Variants in RFX8 observed in about 807,000 individuals in gnomAD.
The protein encoded by RFX8 is regulatory factor X8, also known as DNA-binding protein RFX8.
A neutral mutation model predicts 54.6 loss-of-function variants in RFX8; 46 were observed. The observed-to-expected ratio is 0.84, with a 90% CI of 0.67 to 1.08. RFX8 has a LOEUF of 1.08. Among genes scored for constraint, RFX8 ranks in the 50% least tolerant of loss-of-function variants. RFX8 has a pLI of 0.00. For synonymous variants in RFX8, 192 were observed against 209.5 expected (o/e 0.92, Z 0.72); for missense variants, 536 against 562.3 (o/e 0.95, Z 0.47).
intron 9 of RFX8, among the ~76,000 whole-genome samples, chr2:101,408,151 A>G (rs926672028): frequency 2.6e-5 from 4 of 152,210 alleles, no homozygotes; most frequent in Non-Finnish European, 4.4e-5. Flanking sequence ...ATGTAGGACG[A>G]CAGGGTTGGT....
intron 2 of RFX8, among the ~76,000 whole-genome samples, chr2:101,461,277 A>AG (rs1689262922): frequency 6.7e-6 from 1 of 149,430 alleles, no homozygotes; most frequent in African/African-American, 2.5e-5. Flanking sequence ...AAAAAAAAAA[A>AG]AAAAAGAAAG....
At chr2:101,419,721 G>C (rs992608757) in intron 4 of RFX8, among the ~76,000 whole-genome samples, 1 of 152,220 alleles carries the variant, frequency 6.6e-6, no homozygotes, top group African/African-American at 2.4e-5. Context: ...CCCATGCCTA[G>C]GTCATCATGG....
At chr2:101,457,194 GTCTCTA>G (rs1349531743) in intron 2 of RFX8, among the ~76,000 whole-genome samples, 1 of 152,004 alleles carries the variant, frequency 6.6e-6, no homozygotes, top group Non-Finnish European at 1.5e-5. Flanking sequence ...GGTTTTTTGT[GTCTCTA>G]TCTCCTTCAG....
At chr2:101,421,312 TACCCA>T in intron 4 of RFX8, 1 of 988,810 alleles carries the variant, frequency 1.0e-6, no homozygotes, top group Non-Finnish European at 1.2e-6. Flanking sequence ...ATCGTGACAA[TACCCA>T]TGCCAGATCA....
chr2:101,467,042 G>T (rs901347344), intron 1 of RFX8, 142 bp from the exon 2 acceptor site: 6 of 619,746 alleles, frequency 9.7e-6, no homozygotes, highest in African/African-American at 5.5e-5. Context: ...CCCTGCGAAG[G>T]CTCACAACTG....
At chr2:101,418,802 T>C in intron 5 of RFX8, 49 bp downstream of exon 5, 2 of 1,206,948 alleles carry the variant, frequency 1.7e-6, no homozygotes, top group Non-Finnish European at 2.4e-6. Flanking sequence ...CAGCATTTGC[T>C]GCCAATTTCT....
At chr2:101,472,692 A>G (rs1055043080) in intron 1 of RFX8, among the ~76,000 whole-genome samples, 1 of 152,186 alleles carries the variant, frequency 6.6e-6, no homozygotes, top group Non-Finnish European at 1.5e-5. Context: ...GATGAGCCAA[A>G]ACAAACAAAA....
rs114764313 is a variant in RFX8 at position 101,408,962 on chromosome 2, C to T, written c.813+1657G>A. On this transcript the variant is annotated intron_variant, in intron 9 of 11. Coordinates refer to ENST00000428343, the MANE Select transcript of RFX8 (RefSeq NM_001145664.2). ...AGCTTAAAGAGAAAGCCCAGAGCCACGCTTCCAGCCCCAGGCCCTCGGAGT... is the reference window on the plus strand; with the variant it reads ...AGCTTAAAGAGAAAGCCCAGAGCCATGCTTCCAGCCCCAGGCCCTCGGAGT... Among the ~76,000 whole-genome samples the T allele has an allele frequency of 3.0e-3, 464 of 152,334 alleles. 5 individuals carry two copies. The highest frequency in any genetic ancestry group is 0.011 in the African/African-American group (440 of 41,574).
chr2:101,404,747 T>C (rs536613389), intron 10 of RFX8, among the ~76,000 whole-genome samples: 1 of 152,130 alleles, frequency 6.6e-6, no homozygotes, highest in East Asian at 1.9e-4. Context: ...TTTCTTCCCA[T>C]GATGCATGTG....
At chr2:101,417,493 A>T (rs1346325110) in intron 6 of RFX8, 41 bp downstream of exon 6, 1 of 1,523,600 alleles carries the variant, frequency 6.6e-7, no homozygotes. Context: ...GGCATGAGCC[A>T]CTGTGCCAGC....
At chr2:101,468,638 G>GATGACTT in intron 1 of RFX8, among the ~76,000 whole-genome samples, 1 of 151,884 alleles carries the variant, frequency 6.6e-6, no homozygotes, top group Admixed American at 6.6e-5. Context: ...TGGATTTAGA[G>GATGACTT]CCCATCCTAA....
At chr2:101,421,326 C>T in intron 4 of RFX8, 1 of 990,696 alleles carries the variant, frequency 1.0e-6, no homozygotes, top group Non-Finnish European at 1.2e-6. Context: ...CATGCCAGAT[C>T]ACTCAGCTGC....
At chr2:101,418,743 C>T in intron 5 of RFX8, 108 bp downstream of exon 5, 1 of 727,202 alleles carries the variant, frequency 1.4e-6, no homozygotes, top group Non-Finnish European at 2.5e-6. Context: ...CTATTCACTC[C>T]TCAGAGGACC....
intron 10 of RFX8, among the ~76,000 whole-genome samples, chr2:101,403,657 C>T (rs1204751116): frequency 1.3e-5 from 2 of 151,984 alleles, no homozygotes; most frequent in South Asian, 2.1e-4. Context: ...CAGGGTGGCA[C>T]GTGCCTGTAG....
At chr2:101,432,432 G>A (rs1481622596) in intron 2 of RFX8, among the ~76,000 whole-genome samples, 9 of 152,148 alleles carry the variant, frequency 5.9e-5, no homozygotes, top group African/African-American at 1.9e-4. Context: ...CCGGGCTTTC[G>A]TCTGGCAGGC....
chr2:101,470,424 G>C (rs946010434), intron 1 of RFX8, among the ~76,000 whole-genome samples: 1 of 152,152 alleles, frequency 6.6e-6, no homozygotes, highest in Admixed American at 6.5e-5. Context: ...CAGAACTGCC[G>C]GCAGGTGACA....
At chr2:101,464,711 A>G (rs980127776) in intron 2 of RFX8, among the ~76,000 whole-genome samples, 2 of 152,206 alleles carry the variant, frequency 1.3e-5, no homozygotes, top group Non-Finnish European at 2.9e-5. Flanking sequence ...ATCCGAGAGT[A>G]TTGAGATAAA....
chr2:101,455,792 T>A lies in RFX8; in HGVS notation c.72+10985A>T, dbSNP rs1259859126. 3.3e-5 allele frequency among the ~76,000 whole-genome samples: 5 copies of A among 152,358 alleles called. No homozygotes were observed. In the East Asian group the frequency reaches 9.6e-4, roughly 29 times the overall value. On this transcript the variant is annotated intron_variant, in intron 2 of 11. Transcript: ENST00000428343. ...CTTGATGGGGATGGCATTGAATCTATAAATTACCTTGGGCAGTATGGCCAT... is the reference window on the plus strand; with the variant it reads ...CTTGATGGGGATGGCATTGAATCTAAAAATTACCTTGGGCAGTATGGCCAT...
At chr2:101,414,956 G>A (rs1055080035) in intron 6 of RFX8, 44 bp from the exon 7 acceptor site, 5 of 1,434,842 alleles carry the variant, frequency 3.5e-6, no homozygotes. Flanking sequence ...ATAACTTCAA[G>A]TTCTCATGTG....
Sources: allele counts gnomAD v4.1 joint callset (sites outside exome capture counted in the v4.1 genomes callset), GRCh38; gene constraint gnomAD v4.1.1; transcripts MANE v1.5; gene names NCBI Gene and HGNC (gene_info 2026-07-23, HGNC 2026-07-21).